The following C10orf88 variants were observed in gnomAD, a reference collection of about 807,000 sequenced individuals.
C10orf88 encodes the protein ATPase PAAT.
C10orf88 carries 29 observed loss-of-function variants against 34.2 expected under a neutral mutation model. That is an observed-to-expected ratio of 0.85 (90% CI 0.63 to 1.16). C10orf88 has a LOEUF of 1.16. Among genes scored for constraint, C10orf88 ranks in the 50% most tolerant of loss-of-function variants. The probability of loss-of-function intolerance (pLI) is 0.00; values close to 1 mark genes in which losing one functional copy is unlikely to be tolerated. For missense variants in C10orf88, 507 were observed against 533.2 expected (o/e 0.95, Z 0.48); for synonymous variants, 194 against 197.4 (o/e 0.98, Z 0.15).
At chr10:122,948,353 A>G (rs1848658402) in intron 4 of C10orf88, among the ~76,000 whole-genome samples, 1 of 152,128 alleles carries the variant, frequency 6.6e-6, no homozygotes, top group South Asian at 2.1e-4. Flanking sequence ...AAAAATTCTT[A>G]AAGACTACAG....
Position 122,953,044 on chromosome 10 carries a change from A to G in C10orf88, c.165-12T>C. The G allele has an allele frequency of 1.3e-6, 2 of 1,591,640 alleles. No individual in the cohort carries two copies. Among genetic ancestry groups the G allele is most frequent in the Non-Finnish European group, 1.7e-6 (2 of 1,160,362 alleles). ...TCACCAGATCCTGACTGAGAAGAAA[A>G]TTGGTGAAAACATCACACAGTATAG... is the stretch of plus-strand genomic sequence containing the variant. On this transcript the variant is annotated splice_polypyrimidine_tract_variant and intron_variant, in intron 1 of 5. Transcript: ENST00000481909.
intron 4 of C10orf88, among the ~76,000 whole-genome samples, chr10:122,948,254 C>G (rs1193520994): frequency 2.0e-5 from 3 of 152,152 alleles, no homozygotes; most frequent in Non-Finnish European, 2.9e-5. Flanking sequence ...TCCCACCCTA[C>G]ATTTTAAAGG....
At chr10:122,953,113 T>C in intron 1 of C10orf88, 81 bp from the exon 2 acceptor site, 1 of 1,189,610 alleles carries the variant, frequency 8.4e-7, no homozygotes, top group East Asian at 2.5e-5. Flanking sequence ...AGTCTGGCTC[T>C]GTCGCCCAGG....
intron 4 of C10orf88, among the ~76,000 whole-genome samples, chr10:122,940,171 T>C (rs532189049): frequency 1.3e-5 from 2 of 152,074 alleles, no homozygotes; most frequent in East Asian, 1.9e-4. Context: ...GACTGATGTA[T>C]TGATAAAGAA....
At chr10:122,933,570 AT>A (rs538245228) in intron 5 of C10orf88, 4 of 152,194 alleles carry the variant, frequency 2.6e-5, no homozygotes, top group Non-Finnish European at 5.9e-5. Flanking sequence ...CTAAGATGTT[AT>A]TCGACTTTCT....
rs748494329 is a variant in C10orf88, at chr10:122,932,391, A to G, written c.*36T>C. ...GGTTTTGGCTTTGTAATAAATATGTAATAAATATCTGCAGTACACTGTTTA... is the reference window on the plus strand; with the variant it reads ...GGTTTTGGCTTTGTAATAAATATGTGATAAATATCTGCAGTACACTGTTTA... On this transcript the variant is annotated 3_prime_UTR_variant, in exon 6 of 6. Transcript: ENST00000481909. 30 of 1,505,572 alleles carry G rather than the reference A, an allele frequency of 2.0e-5. No individual in the cohort carries two copies. The highest frequency in any genetic ancestry group is 2.7e-5 in the Non-Finnish European group (30 of 1,101,788). The allele number at this position is 1,505,572 out of a possible 1,614,324, so 93.3% of individuals were successfully genotyped here.
At position 122,937,823 on chromosome 10, in the gene C10orf88, A is replaced by G. The variant is rs765185358; in HGVS notation, c.985T>C (p.Ser329Pro). The G allele has an allele frequency of 2.5e-6, 4 of 1,613,206 alleles. No homozygotes were observed. Among genetic ancestry groups the G allele is most frequent in the Non-Finnish European group, 3.4e-6 (4 of 1,179,360 alleles). ...TTCTGGAGAAAAGGCAGCAACTCGG[A>G]GTTGGGTATATTTGAGTTGTCACTT... ...KVSDNSNIPN[S>P]ELLPFLQNLC... The change falls in exon 5 of 6, where the codon TCC (serine) becomes CCC (proline). Residue 329 changes from serine to proline, a missense_variant. Coordinates refer to ENST00000481909, the MANE Select transcript of C10orf88 (RefSeq NM_024942.4).
At chr10:122,947,262 A>G (rs1204362974) in intron 4 of C10orf88, among the ~76,000 whole-genome samples, 1 of 152,192 alleles carries the variant, frequency 6.6e-6, no homozygotes, top group African/African-American at 2.4e-5. Flanking sequence ...CTCAGCCCAT[A>G]TTATAATACT....
At chr10:122,933,424 T>G (rs1310894053) in intron 5 of C10orf88, 1 of 152,236 alleles carries the variant, frequency 6.6e-6, no homozygotes, top group Admixed American at 6.5e-5. Context: ...GAGCTGAGAT[T>G]GCGCAACTGC....
chr10:122,933,188 A>G (rs913463172), intron 5 of C10orf88, among the ~76,000 whole-genome samples: 1 of 152,222 alleles, frequency 6.6e-6, no homozygotes, highest in African/African-American at 2.4e-5. Flanking sequence ...ACATTAGAAC[A>G]GTAAGTCTCA....
intron 4 of C10orf88, among the ~76,000 whole-genome samples, chr10:122,942,387 G>T (rs963990543): frequency 6.6e-6 from 1 of 152,070 alleles, no homozygotes; most frequent in African/African-American, 2.4e-5. Flanking sequence ...AATAATAAGA[G>T]CTATCTATGA....
intron 4 of C10orf88, among the ~76,000 whole-genome samples, chr10:122,944,711 A>G (rs531877788): frequency 6.6e-6 from 1 of 152,242 alleles, no homozygotes; most frequent in African/African-American, 2.4e-5. Context: ...GTGTACTTGA[A>G]AAAATACACT....
At chr10:122,951,813 G>C in intron 3 of C10orf88, 141 bp downstream of exon 3, 1 of 573,856 alleles carries the variant, frequency 1.7e-6, no homozygotes, top group Non-Finnish European at 3.1e-6. Flanking sequence ...CTGGGCAACA[G>C]AGCAAGATAC....
At chr10:122,953,866 G>T in intron 1 of C10orf88, 149 bp downstream of exon 1, 1 of 107,344 alleles carries the variant, frequency 9.3e-6, no homozygotes, top group East Asian at 3.1e-4. Flanking sequence ...CACCCCGGAC[G>T]ACCTCGCAGC....
chr10:122,950,661 T>C (rs867228689), intron 3 of C10orf88, among the ~76,000 whole-genome samples: 4 of 152,234 alleles, frequency 2.6e-5, no homozygotes, highest in African/African-American at 9.6e-5. Context: ...TCATTGAGTC[T>C]CCTTATTGTC....
intron 4 of C10orf88, among the ~76,000 whole-genome samples, chr10:122,938,556 G>T (rs748250195): frequency 8.5e-5 from 13 of 152,050 alleles, no homozygotes; most frequent in Non-Finnish European, 1.8e-4. Context: ...ACAAGAACCG[G>T]TAAGTTTCTT....
chr10:122,948,559 A>G, intron 4 of C10orf88, 90 bp downstream of exon 4: 1 of 1,236,018 alleles, frequency 8.1e-7, no homozygotes. Flanking sequence ...TCAGTATGAA[A>G]GAAAAATTTT....
intron 4 of C10orf88, among the ~76,000 whole-genome samples, chr10:122,943,482 A>C (rs1848605585): frequency 6.6e-6 from 1 of 150,672 alleles, no homozygotes; most frequent in South Asian, 2.1e-4. Flanking sequence ...TTCATGTCTA[A>C]AACACCAAAA....
At position 122,938,017 on chromosome 10, in the gene C10orf88, G is replaced by A. The variant is rs1002046181; in HGVS notation, c.791C>T (p.Thr264Ile). 6.2e-7 allele frequency: 1 copy of A among 1,613,356 alleles called. No homozygotes were observed. Among genetic ancestry groups the A allele is most frequent in the Admixed American group, 1.7e-5 (1 of 59,898 alleles). ...TAAGTTTTCAGTCACGTTCCCAGAT[G>A]TCAATCCAGTTCTAAAAGGAAAAGG... ...STPFPFRTGLTSGNVTENLQT... is the reference protein window; with the variant it reads ...STPFPFRTGLISGNVTENLQT... The change falls in exon 5 of 6, where the codon ACA becomes ATA. Residue 264 changes from threonine to isoleucine, a missense_variant. By Grantham distance (89) the Thr-to-Ile change is moderately conservative. Coordinates refer to ENST00000481909, the MANE Select transcript of C10orf88 (RefSeq NM_024942.4).
Sources: allele counts gnomAD v4.1 joint callset (sites outside exome capture counted in the v4.1 genomes callset), GRCh38; gene constraint gnomAD v4.1.1; transcripts MANE v1.5; gene names NCBI Gene and HGNC (gene_info 2026-07-23, HGNC 2026-07-21).